The following PAK5 variants were observed in gnomAD, a reference collection of about 807,000 sequenced individuals.
The protein encoded by PAK5 is serine/threonine-protein kinase PAK 5.
In PAK5, 16 loss-of-function variants were observed where a neutral mutation model predicts 65.9. That is an observed-to-expected ratio of 0.24 (90% CI 0.16 to 0.37). The LOEUF is 0.37. Ranked by LOEUF, PAK5 falls within the 10% of genes least tolerant of loss-of-function variation. PAK5 has a pLI of 1.00. For missense variants in PAK5, 785 were observed against 903.9 expected, an observed-to-expected ratio of 0.87 and a Z score of 1.69; for synonymous variants, 371 against 354.9, an observed-to-expected ratio of 1.05 and a Z score of -0.51.
intron 4 of PAK5, among the ~76,000 whole-genome samples, chr20:9,579,635 A>C (rs927716269): frequency 1.3e-5 from 2 of 152,266 alleles, no homozygotes; most frequent in Admixed American, 1.3e-4. Flanking sequence ...AGTAGAAAGT[A>C]CATACTCTTA....
chr20:9,814,896 A>G (rs2049338874), intron 1 of PAK5, among the ~76,000 whole-genome samples: 1 of 152,116 alleles, frequency 6.6e-6, no homozygotes, highest in African/African-American at 2.4e-5. Context: ...AGGCTGGGTA[A>G]TTTATAAAGA....
intron 2 of PAK5, among the ~76,000 whole-genome samples, chr20:9,663,340 T>A (rs1471655537): frequency 6.6e-6 from 1 of 152,174 alleles, no homozygotes; most frequent in Non-Finnish European, 1.5e-5. Context: ...GAATAATAAC[T>A]CCTAATTTCT....
intron 1 of PAK5, among the ~76,000 whole-genome samples, chr20:9,743,784 T>C (rs1305908055): frequency 6.6e-6 from 1 of 152,144 alleles, no homozygotes; most frequent in African/African-American, 2.4e-5. Flanking sequence ...TTGAAGTCTG[T>C]GGTGAGCTGA....
intron 1 of PAK5, among the ~76,000 whole-genome samples, chr20:9,779,571 C>A (rs549332385): frequency 6.6e-5 from 10 of 151,196 alleles, no homozygotes; most frequent in Non-Finnish European, 1.3e-4. Context: ...ATTAAATTAA[C>A]TGATTATAAA....
intron 3 of PAK5, among the ~76,000 whole-genome samples, chr20:9,596,635 C>CA (rs35576059): frequency 0.33 from 17,154 of 52,382 alleles, 3,441 homozygotes; most frequent in Non-Finnish European, 0.4. Flanking sequence ...GACTCCGTCT[C>CA]AAAAAAAAAA....
intron 1 of PAK5, among the ~76,000 whole-genome samples, chr20:9,785,620 AAAG>A (rs2123707165): frequency 6.6e-6 from 1 of 152,294 alleles, no homozygotes; most frequent in East Asian, 1.9e-4. Flanking sequence ...AGAATTGCTC[AAAG>A]ATGAGGATGA....
chr20:9,811,240 TATC>T (rs2049294624), intron 1 of PAK5, among the ~76,000 whole-genome samples: 3 of 152,258 alleles, frequency 2.0e-5, no homozygotes, highest in Non-Finnish European at 2.9e-5. Context: ...GAAATGTACT[TATC>T]ATCGTGACAT....
chr20:9,664,419 T>C (rs1014855114), intron 2 of PAK5, among the ~76,000 whole-genome samples: 2 of 152,202 alleles, frequency 1.3e-5, no homozygotes, highest in Non-Finnish European at 2.9e-5. Flanking sequence ...TAAAATTCTA[T>C]GATTCTTAGC....
chr20:9,611,386 T>G (rs976763070), intron 3 of PAK5, among the ~76,000 whole-genome samples: 1 of 152,136 alleles, frequency 6.6e-6, no homozygotes, highest in African/African-American at 2.4e-5. Flanking sequence ...ACGGCCTTAT[T>G]ATCAGAGAAG....
intron 1 of PAK5, among the ~76,000 whole-genome samples, chr20:9,789,989 A>G (rs191663182): frequency 2.0e-5 from 3 of 152,270 alleles, no homozygotes; most frequent in Middle Eastern, 3.4e-3. Flanking sequence ...TAAATGAATG[A>G]GCAAATGCTT....
chr20:9,692,944 A>G (rs1035529596), intron 2 of PAK5, among the ~76,000 whole-genome samples: 2 of 152,186 alleles, frequency 1.3e-5, no homozygotes, highest in African/African-American at 4.8e-5. Context: ...AAAAGTCTAT[A>G]TTATGAGTTT....
intron 2 of PAK5, among the ~76,000 whole-genome samples, chr20:9,682,864 G>A (rs762357228): frequency 9.2e-5 from 14 of 152,290 alleles, no homozygotes; most frequent in South Asian, 2.1e-4. Context: ...TATATGGGAT[G>A]ATCCACAGGT....
rs2047548109 is a variant in PAK5 at position 9,674,871 on chromosome 20, C to T, written c.-11-30532G>A. Reference sequence around the variant, plus strand: ...CATGTTTGTAACCCATGTCAGTCATCACCTGTGAGTTCAGCATCTTGGGTG... The same window carrying T: ...CATGTTTGTAACCCATGTCAGTCATTACCTGTGAGTTCAGCATCTTGGGTG... On this transcript the variant is annotated intron_variant, in intron 2 of 9. Transcript: ENST00000353224. Among the ~76,000 whole-genome samples, 2 of 152,196 alleles carry T rather than the reference C, an allele frequency of 1.3e-5. 1 individual carries two copies. Among genetic ancestry groups the T allele is most frequent in the South Asian group, 4.1e-4 (2 of 4,826 alleles).
Position 9,727,224 on chromosome 20 carries a change from C to A in PAK5, c.-161-15789G>T, listed in dbSNP as rs2048287352. ...TACTTTTGTAATGGCAAAGCTGTAG[C>A]AAATTAAATACTATCAAAAGTGTAC... On this transcript the variant is annotated intron_variant, in intron 1 of 9. Coordinates refer to ENST00000353224, the MANE Select transcript of PAK5 (RefSeq NM_177990.4). Among the ~76,000 whole-genome samples the A allele has an allele frequency of 2.0e-5, 3 of 152,162 alleles. No homozygotes were observed. The South Asian group carries it at 6.2e-4, about 32-fold the overall frequency.
chr20:9,653,859 C>T (rs1381273795), intron 2 of PAK5, among the ~76,000 whole-genome samples: 1 of 152,162 alleles, frequency 6.6e-6, no homozygotes, highest in Admixed American at 6.5e-5. Context: ...TTCCTTGTCT[C>T]TTCCAGCTTC....
At chr20:9,752,875 A>T (rs183555544) in intron 1 of PAK5, among the ~76,000 whole-genome samples, 49 of 152,228 alleles carry the variant, frequency 3.2e-4, no homozygotes, top group African/African-American at 1.1e-3. Flanking sequence ...GACCAATTGA[A>T]GGAGGCAGAA....
At chr20:9,555,239 T>C (rs1222224556) in intron 7 of PAK5, among the ~76,000 whole-genome samples, 1 of 152,152 alleles carries the variant, frequency 6.6e-6, no homozygotes, top group Non-Finnish European at 1.5e-5. Flanking sequence ...ACTAAAAGCA[T>C]CTACAATGTG....
chr20:9,739,242 T>TTC lies in PAK5; in HGVS notation c.-161-27808_-161-27807insGA, dbSNP rs1555919744. ...TTCTTTGCTTTCTTTTTTTTTTTTT[T>TTC]AAATCACAGCTTGAAACCATTTTCT... On this transcript the variant is annotated intron_variant, in intron 1 of 9. Transcript: ENST00000353224. 4.8e-4 allele frequency among the ~76,000 whole-genome samples: 72 copies of TTC among 151,540 alleles called. 1 individual carries two copies. The highest frequency in any genetic ancestry group is 3.4e-3 in the Middle Eastern group (1 of 294).
intron 1 of PAK5, among the ~76,000 whole-genome samples, chr20:9,834,468 C>T (rs1211554090): frequency 1.3e-5 from 2 of 152,086 alleles, no homozygotes; most frequent in East Asian, 3.8e-4. Context: ...AATTTCTCTC[C>T]TAATTTACCT....
Sources: allele counts gnomAD v4.1 joint callset (sites outside exome capture counted in the v4.1 genomes callset), GRCh38; gene constraint gnomAD v4.1.1; transcripts MANE v1.5; gene names NCBI Gene and HGNC (gene_info 2026-07-23, HGNC 2026-07-21).